The following NFASC variants were observed in gnomAD, a reference collection of about 807,000 sequenced individuals.
The protein encoded by NFASC is neurofascin homolog.
Under a neutral mutation model 147.5 loss-of-function variants are expected in NFASC, and 43 were observed. The ratio of observed to expected loss-of-function variants is 0.29; its 90% CI spans 0.23 to 0.38. The LOEUF is 0.38. Among genes scored for constraint, NFASC ranks in the 10% least tolerant of loss-of-function variants. The probability of loss-of-function intolerance (pLI) is 1.00; values close to 1 mark genes in which losing one functional copy is unlikely to be tolerated. For synonymous variants in NFASC, 622 were observed against 665.5 expected (o/e 0.93, Z 1.01); for missense variants, 1,320 against 1,689.0 (o/e 0.78, Z 3.83).
At chr1:204,949,012 G>A (rs1259599842) in intron 3 of NFASC, among the ~76,000 whole-genome samples, 2 of 152,210 alleles carry the variant, frequency 1.3e-5, no homozygotes, top group East Asian at 1.9e-4. Context: ...GACGAGCTCC[G>A]GGGAGCATGT....
At chr1:204,838,814 G>T (rs1434386935) in intron 1 of NFASC, among the ~76,000 whole-genome samples, 2 of 152,204 alleles carry the variant, frequency 1.3e-5, no homozygotes, top group Non-Finnish European at 2.9e-5. Flanking sequence ...GGGTACAGGT[G>T]AGCCTTTTTC....
intron 2 of NFASC, among the ~76,000 whole-genome samples, chr1:204,938,104 G>A (rs1331807654): frequency 1.3e-5 from 2 of 152,226 alleles, no homozygotes; most frequent in Non-Finnish European, 2.9e-5. Flanking sequence ...GTGGGAATGT[G>A]AGGAGCTCCC....
intron 1 of NFASC, among the ~76,000 whole-genome samples, chr1:204,855,250 T>C (rs1208000990): frequency 1.3e-5 from 2 of 152,208 alleles, no homozygotes; most frequent in Non-Finnish European, 2.9e-5. Flanking sequence ...AAGCAAGGTT[T>C]ACCCATGCAG....
intron 3 of NFASC, among the ~76,000 whole-genome samples, chr1:204,949,133 G>C (rs2093960962): frequency 6.6e-6 from 1 of 152,204 alleles, no homozygotes; most frequent in Admixed American, 6.5e-5. Flanking sequence ...TCTTCTAGGG[G>C]CCACACGAAA....
At chr1:204,866,906 C>G (rs1258711171) in intron 1 of NFASC, among the ~76,000 whole-genome samples, 1 of 152,052 alleles carries the variant, frequency 6.6e-6, no homozygotes, top group Non-Finnish European at 1.5e-5. Context: ...ATGGTTAGTG[C>G]GTGGACATGA....
At chr1:204,867,521 C>T (rs1009106147) in intron 1 of NFASC, among the ~76,000 whole-genome samples, 1 of 151,764 alleles carries the variant, frequency 6.6e-6, no homozygotes, top group Non-Finnish European at 1.5e-5. Flanking sequence ...TGAAGGCTGA[C>T]AGATGCCCAC....
chr1:204,960,070 G>T (rs2094596772), intron 8 of NFASC, among the ~76,000 whole-genome samples: 1 of 152,132 alleles, frequency 6.6e-6, no homozygotes, highest in Admixed American at 6.5e-5. Flanking sequence ...GCACAGTGGT[G>T]CTCTCTCTAC....
chr1:205,011,213 C>CG (rs1553328299), intron 28 of NFASC, among the ~76,000 whole-genome samples: 4 of 151,730 alleles, frequency 2.6e-5, no homozygotes, highest in South Asian at 2.1e-4. Flanking sequence ...CAGGACCCCC[C>CG]CCAAAACTCA....
At chr1:204,928,627 A>C (rs989926116) in intron 2 of NFASC, among the ~76,000 whole-genome samples, 6 of 152,238 alleles carry the variant, frequency 3.9e-5, no homozygotes, top group Non-Finnish European at 5.9e-5. Flanking sequence ...GGGGAAAATA[A>C]AGAAAAACAA....
intron 21 of NFASC, among the ~76,000 whole-genome samples, chr1:204,985,289 C>A (rs574906901): frequency 6.6e-6 from 1 of 152,248 alleles, no homozygotes; most frequent in African/African-American, 2.4e-5. Context: ...CCTTCCCATC[C>A]AAGCTCTGCT....
At chr1:204,950,503 AT>A in intron 3 of NFASC, 53 bp from the exon 4 acceptor site, 1 of 1,573,698 alleles carries the variant, frequency 6.4e-7, no homozygotes. Context: ...GGTTGTGTGC[AT>A]AACGATGTTC....
chr1:204,856,859 C>G, intron 1 of NFASC, among the ~76,000 whole-genome samples: 1 of 152,204 alleles, frequency 6.6e-6, no homozygotes, highest in East Asian at 1.9e-4. Flanking sequence ...AGTACTACAT[C>G]CCTTTTTATG....
At position 204,972,611 on chromosome 1, in the gene NFASC, G is replaced by T. The variant is rs180987096; in HGVS notation, c.1136-665G>T. Among the ~76,000 whole-genome samples the T allele has an allele frequency of 1.1e-4, 16 of 152,330 alleles. No individual in the cohort carries two copies. The East Asian group carries it at 2.1e-3, about 20-fold the overall frequency. ...TCTCAGTTTAGGACACATTTTTGGG[G>T]AAGAGCTGTGAGCTTTGTCAAATAA... On this transcript the variant is annotated intron_variant, in intron 11 of 29. Transcript: ENST00000339876.
intron 1 of NFASC, among the ~76,000 whole-genome samples, chr1:204,916,227 T>G (rs2089220076): frequency 6.6e-6 from 1 of 152,210 alleles, no homozygotes; most frequent in South Asian, 2.1e-4. Context: ...TCAGGTGCCT[T>G]GTTGGTCTCT....
intron 1 of NFASC, among the ~76,000 whole-genome samples, chr1:204,893,432 A>G (rs952878371): frequency 1.3e-5 from 2 of 152,168 alleles, no homozygotes; most frequent in African/African-American, 2.4e-5. Flanking sequence ...GATTGTGGAG[A>G]CTAAGAGCAT....
intron 1 of NFASC, among the ~76,000 whole-genome samples, chr1:204,870,000 TG>T (rs1158905942): frequency 6.6e-6 from 1 of 152,238 alleles, no homozygotes; most frequent in African/African-American, 2.4e-5. Flanking sequence ...GATGTTTTCA[TG>T]TTTTTCCAAA....
At position 205,017,678 on chromosome 1, in the gene NFASC, A is replaced by G. The variant is rs528379451; in HGVS notation, c.*1139A>G. Reference sequence around the variant, plus strand: ...GCACTGCTCCCCTTCCATCTCTAGCAGATATCATCTTCTCAGCCAATTCTG... The same window carrying G: ...GCACTGCTCCCCTTCCATCTCTAGCGGATATCATCTTCTCAGCCAATTCTG... On this transcript the variant is annotated 3_prime_UTR_variant, in exon 30 of 30. Coordinates refer to ENST00000339876, the MANE Select transcript of NFASC (RefSeq NM_001005388.3). 2.0e-5 allele frequency: 3 copies of G among 152,806 alleles called. No homozygotes were observed. In the East Asian group the frequency reaches 5.8e-4, roughly 29 times the overall value. 9.5% of individuals were successfully genotyped at this position (152,806 alleles called of 1,614,324 possible).
intron 24 of NFASC, among the ~76,000 whole-genome samples, chr1:204,994,215 G>A (rs1322114264): frequency 1.3e-5 from 2 of 152,160 alleles, no homozygotes; most frequent in African/African-American, 2.4e-5. Flanking sequence ...TACTAAGCCT[G>A]AGCCAGACAG....
At chr1:204,845,462 AAATAAT>A (rs1465423512) in intron 1 of NFASC, among the ~76,000 whole-genome samples, 1 of 151,944 alleles carries the variant, frequency 6.6e-6, no homozygotes, top group Admixed American at 6.6e-5. Flanking sequence ...CATCTCAAAA[AAATAAT>A]AATAATAATA....
Sources: gnomAD v4.1 joint callset for allele counts (sites outside exome capture counted in the v4.1 genomes callset) on GRCh38, gnomAD v4.1.1 for gene constraint, MANE v1.5 for transcripts, NCBI Gene and HGNC (gene_info 2026-07-23, HGNC 2026-07-21) for gene names.